The following CAB39L variants were observed in gnomAD, a reference collection of about 807,000 sequenced individuals.
The protein encoded by CAB39L is calcium binding protein 39 like, also known as calcium-binding protein 39-like.
CAB39L carries 23 observed loss-of-function variants against 39.1 expected under a neutral mutation model. The observed-to-expected ratio is 0.59, with a 90% confidence interval of 0.42 to 0.83. CAB39L has a LOEUF of 0.83. Ranked by LOEUF, CAB39L falls within the 40% of genes least tolerant of loss-of-function variation. The pLI is 0.00. For synonymous variants in CAB39L, 126 were observed against 137.2 expected, an observed-to-expected ratio of 0.92 and a Z score of 0.57; for missense variants, 366 against 391.9, an observed-to-expected ratio of 0.93 and a Z score of 0.56.
intron 3 of CAB39L, among the ~76,000 whole-genome samples, chr13:49,419,460 C>T (rs1281243496): frequency 1.3e-5 from 2 of 152,164 alleles, no homozygotes; most frequent in Non-Finnish European, 2.9e-5. Context: ...TGCCTGTAGT[C>T]CCAGCTGCTC....
chr13:49,346,100 G>GATATATATATATATATGCTAGATATAT lies in CAB39L; in HGVS notation c.565-1863_565-1862insATATATCTAGCATATATATATATATAT, dbSNP rs1955155747. Among the ~76,000 whole-genome samples the GATATATATATATATATGCTAGATATAT allele has an allele frequency of 3.6e-4, 11 of 30,946 alleles. 1 individual carries two copies. The highest frequency in any genetic ancestry group is 1.4e-3 in the African/African-American group (10 of 7,132). 20.3% of individuals were successfully genotyped at this position (30,946 alleles called of 152,430 possible). On this transcript the variant is annotated intron_variant, in intron 7 of 10. Transcript: ENST00000409308. The stretch of plus-strand genomic sequence containing the variant: ...GATATATATATATATATATATGCTA[G>GATATATATATATATATGCTAGATATAT]ATATATATATATATATATATATATC...
At position 49,426,683 on chromosome 13, in the gene CAB39L, C is replaced by T. The variant is rs562618285; in HGVS notation, c.-32+6635G>A. Among the ~76,000 whole-genome samples the T allele has an allele frequency of 3.8e-3, 572 of 152,264 alleles. 3 individuals carry two copies. Among genetic ancestry groups the T allele is most frequent in the African/African-American group, 0.012 (498 of 41,544 alleles). ...CTCGTGATCTGCCTGCCTCGGCCTC[C>T]CAAAGTGGTGGGATTACAGGAGTGA... On this transcript the variant is annotated intron_variant, in intron 3 of 10. Coordinates refer to ENST00000409308, the MANE Select transcript of CAB39L (RefSeq NM_001079670.3).
intron 6 of CAB39L, among the ~76,000 whole-genome samples, chr13:49,351,464 T>A (rs1955354785): frequency 6.6e-6 from 1 of 151,956 alleles, no homozygotes; most frequent in Admixed American, 6.6e-5. Flanking sequence ...CCGTGAGTGG[T>A]GTGAAATGAG....
At chr13:49,379,487 C>T (rs1410676082) in intron 4 of CAB39L, among the ~76,000 whole-genome samples, 2 of 42,190 alleles carry the variant, frequency 4.7e-5, no homozygotes, top group Non-Finnish European at 9.0e-5. Flanking sequence ...TAAACAGATG[C>T]TTGAAGGCAG....
chr13:49,350,951 T>C (rs775006013), intron 6 of CAB39L, 39 bp from the exon 7 acceptor site: 2 of 1,453,624 alleles, frequency 1.4e-6, no homozygotes, highest in South Asian at 2.8e-5. Flanking sequence ...AACTCTGTTA[T>C]CCTATTAAAA....
At chr13:49,399,132 T>C (rs896249756) in intron 3 of CAB39L, among the ~76,000 whole-genome samples, 29 of 152,272 alleles carry the variant, frequency 1.9e-4, no homozygotes, top group African/African-American at 7.0e-4. Flanking sequence ...ATTTCAATTT[T>C]TGTGAACCAA....
intron 7 of CAB39L, among the ~76,000 whole-genome samples, chr13:49,346,058 CAT>C (rs6145048): frequency 3.0e-5 from 2 of 66,404 alleles, no homozygotes; most frequent in Non-Finnish European, 5.9e-5. Flanking sequence ...ATTCCTCCAG[CAT>C]ATATATATAT....
chr13:49,334,549 C>T (rs1413180247), intron 9 of CAB39L, among the ~76,000 whole-genome samples: 2 of 152,216 alleles, frequency 1.3e-5, no homozygotes, highest in Non-Finnish European at 2.9e-5. Flanking sequence ...CAGACATCGT[C>T]TTCGGGAAAG....
At chr13:49,393,227 T>C (rs1956528206) in intron 3 of CAB39L, 1 of 152,082 alleles carries the variant, frequency 6.6e-6, no homozygotes, top group African/African-American at 2.4e-5. Flanking sequence ...ATGATAAATA[T>C]ACATACAGCT....
At chr13:49,433,148 C>T (rs1282216482) in intron 3 of CAB39L, among the ~76,000 whole-genome samples, 170 bp downstream of exon 3, 1 of 152,116 alleles carries the variant, frequency 6.6e-6, no homozygotes, top group East Asian at 1.9e-4. Flanking sequence ...TTCAGGCTCT[C>T]TAGTCTATCA....
intron 1 of CAB39L, among the ~76,000 whole-genome samples, chr13:49,437,091 T>A (rs1957430120): frequency 6.6e-6 from 1 of 152,176 alleles, no homozygotes; most frequent in South Asian, 2.1e-4. Flanking sequence ...GTTTTGACTA[T>A]CATTTTGTTT....
chr13:49,336,178 A>G (rs1954842059), intron 9 of CAB39L, among the ~76,000 whole-genome samples: 1 of 151,672 alleles, frequency 6.6e-6, no homozygotes, highest in African/African-American at 2.4e-5. Context: ...ATGTTTATAT[A>G]TGAGCTTATT....
intron 6 of CAB39L, among the ~76,000 whole-genome samples, chr13:49,356,695 C>T (rs1294800764): frequency 6.6e-6 from 1 of 152,098 alleles, no homozygotes; most frequent in Non-Finnish European, 1.5e-5. Flanking sequence ...TTTAAAGTGA[C>T]TTCACAAGGA....
intron 9 of CAB39L, 40 bp from the exon 10 acceptor site, chr13:49,332,130 C>A (rs1358274026): frequency 6.3e-7 from 1 of 1,598,146 alleles, no homozygotes; most frequent in Non-Finnish European, 8.5e-7. Context: ...ATCTCAGAGC[C>A]ACCTGATTCA....
chr13:49,371,049 C>G (rs187811677), intron 5 of CAB39L, among the ~76,000 whole-genome samples: 1 of 152,018 alleles, frequency 6.6e-6, no homozygotes, highest in Non-Finnish European at 1.5e-5. Flanking sequence ...ATGGCTGACA[C>G]GCATAGTAAG....
At chr13:49,378,326 C>A (rs1956146794) in intron 4 of CAB39L, among the ~76,000 whole-genome samples, 1 of 75,478 alleles carries the variant, frequency 1.3e-5, no homozygotes, top group Non-Finnish European at 2.7e-5. Context: ...GGGTCAGCCC[C>A]CCCGACCGGC....
chr13:49,410,954 T>C (rs549382918), intron 3 of CAB39L, among the ~76,000 whole-genome samples: 3 of 152,148 alleles, frequency 2.0e-5, no homozygotes, highest in Non-Finnish European at 4.4e-5. Flanking sequence ...AACAATTAGT[T>C]TTAATAACTA....
intron 1 of CAB39L, among the ~76,000 whole-genome samples, chr13:49,439,933 T>TTC (rs1336538075): frequency 5.4e-5 from 8 of 148,952 alleles, no homozygotes; most frequent in African/African-American, 2.0e-4. Context: ...TTTTTTTTTT[T>TTC]TTTTTTTTGC....
intron 3 of CAB39L, among the ~76,000 whole-genome samples, chr13:49,411,439 A>C (rs34445445): frequency 5.6e-5 from 8 of 143,466 alleles, no homozygotes; most frequent in Middle Eastern, 3.8e-3. Context: ...AAAATCCCCC[A>C]CCTCCCTCTT....
Sources: allele counts gnomAD v4.1 joint callset (sites outside exome capture counted in the v4.1 genomes callset), GRCh38; gene constraint gnomAD v4.1.1; transcripts MANE v1.5; gene names NCBI Gene and HGNC (gene_info 2026-07-23, HGNC 2026-07-21).